Variants in ATP5MC3 observed in about 807,000 individuals in gnomAD.
The protein encoded by ATP5MC3 is ATP synthase F(0) complex subunit C3, mitochondrial.
A neutral mutation model predicts 15.6 loss-of-function variants in ATP5MC3; 6 were observed. The observed-to-expected ratio is 0.38, with a 90% CI of 0.21 to 0.76. The LOEUF (loss-of-function observed/expected upper bound fraction) is 0.76. Ranked by LOEUF, ATP5MC3 falls within the 30% of genes least tolerant of loss-of-function variation. ATP5MC3 has a pLI of 0.44. For missense variants in ATP5MC3, 132 were observed against 171.2 expected, an observed-to-expected ratio of 0.77 and a Z score of 1.28; for synonymous variants, 66 against 63.3, an observed-to-expected ratio of 1.04 and a Z score of -0.20.
chr2:175,181,473 AG>A lies in ATP5MC3; in HGVS notation c.-73-8del. ...CTCCTCTCCCGCTTCCTCTCTGCGG[AG>A]GAAAAGAGGCTTAAGGTCAAGTGCC... On this transcript the variant is annotated splice_region_variant and splice_polypyrimidine_tract_variant and intron_variant, in intron 1 of 4. Coordinates refer to ENST00000284727, the MANE Select transcript of ATP5MC3 (RefSeq NM_001689.5). 1 of 1,568,564 alleles carries A rather than the reference AG, an allele frequency of 6.4e-7. No individual in the cohort carries two copies. The highest frequency in any genetic ancestry group is 1.2e-5 in the South Asian group (1 of 86,842).
rs1700713741 is a variant in ATP5MC3 at position 175,178,059 on chromosome 2, C to T, written c.*229G>A. The stretch of plus-strand genomic sequence containing the variant: ...ATCAGTGGAGCAACTGCTGTAGCTT[C>T]CTCTGAATGGGACAGCATCTGCCTG... On this transcript the variant is annotated 3_prime_UTR_variant, in exon 5 of 5. Transcript: ENST00000284727. 1.5e-6 allele frequency: 1 copy of T among 645,862 alleles called. No individual in the cohort carries two copies. 40.0% of individuals were successfully genotyped at this position (645,862 alleles called of 1,614,324 possible). A position where few individuals can be genotyped will look rare whatever the true frequency, so the allele number is the denominator to read the frequency against.
intron 1 of ATP5MC3, 95 bp from the exon 2 acceptor site, chr2:175,181,561 G>T (rs531380843): frequency 2.5e-5 from 20 of 798,266 alleles, no homozygotes; most frequent in Non-Finnish European, 3.9e-5. Context: ...GTCAGCTTGG[G>T]CCCCGTGCCC....
intron 4 of ATP5MC3, 153 bp downstream of exon 4, chr2:175,178,904 A>C: frequency 7.9e-7 from 1 of 1,273,770 alleles, no homozygotes; most frequent in South Asian, 1.7e-5. Context: ...AAATGGTGTT[A>C]TGAGAATTAA....
rs192662247 is a variant in ATP5MC3, at chr2:175,181,292, C to T, written c.39+63G>A. 802 of 1,573,146 alleles carry T rather than the reference C, an allele frequency of 5.1e-4. 6 individuals are homozygous for T. In the African/African-American group the frequency reaches 0.01, roughly 20 times the overall value. ...GCCCGAAGGTTGCCCCATTCAACAA[C>T]GTGGACGCTCTAGGCCAAAACGCCC... On this transcript the variant is annotated intron_variant, in intron 2 of 4. Transcript: ENST00000284727.
intron 2 of ATP5MC3, among the ~76,000 whole-genome samples, chr2:175,180,822 T>C (rs1462837397): frequency 4.6e-5 from 7 of 152,192 alleles, no homozygotes; most frequent in African/African-American, 1.7e-4. Flanking sequence ...GACCTCACTT[T>C]AAGCCTGCAA....
At position 175,180,187 on chromosome 2, in the gene ATP5MC3, G is replaced by GA. The variant is rs746796011; in HGVS notation, c.40-10dup. The stretch of plus-strand genomic sequence containing the variant: ...CTGGATCCAGCTCGGATCTATTAAT[G>GA]AAAAAAAAATAAAGATTTCAATATT... On this transcript the variant is annotated splice_polypyrimidine_tract_variant and intron_variant, in intron 2 of 4. Coordinates refer to ENST00000284727, the MANE Select transcript of ATP5MC3 (RefSeq NM_001689.5). 6.8e-4 allele frequency: 1,033 copies of GA among 1,527,136 alleles called. No individual in the cohort carries two copies. The highest frequency in any genetic ancestry group is 1.2e-3 in the South Asian group (91 of 78,726). 94.6% of individuals were successfully genotyped at this position (1,527,136 alleles called of 1,614,324 possible).
At position 175,178,244 on chromosome 2, in the gene ATP5MC3, C is replaced by T; in HGVS notation, c.*44G>A. 2 of 1,591,794 alleles carry T rather than the reference C, an allele frequency of 1.3e-6. No individual in the cohort carries two copies. Among genetic ancestry groups the T allele is most frequent in the Non-Finnish European group, 8.5e-7 (1 of 1,172,546 alleles). ...AGTCACAGTAAGATACACAGAATTA[C>T]ATCCGTAATTAATATGAATGCCAAC... On this transcript the variant is annotated 3_prime_UTR_variant, in exon 5 of 5. Coordinates refer to ENST00000284727, the MANE Select transcript of ATP5MC3 (RefSeq NM_001689.5).
chr2:175,178,272 G>C lies in ATP5MC3; in HGVS notation c.*16C>G, dbSNP rs1062644. The stretch of plus-strand genomic sequence containing the variant: ...CCGTAATTAATATGAATGCCAACAT[G>C]TCAAGCAGTAATTTGTTACATGGCA... On this transcript the variant is annotated 3_prime_UTR_variant, in exon 5 of 5. Transcript: ENST00000284727. 1.2e-6 allele frequency: 2 copies of C among 1,601,488 alleles called. No individual in the cohort carries two copies. The highest frequency in any genetic ancestry group is 3.5e-5 in the Admixed American group (2 of 56,496).
intron 4 of ATP5MC3, chr2:175,178,776 G>A: frequency 2.6e-6 from 3 of 1,158,832 alleles, no homozygotes; most frequent in Non-Finnish European, 3.3e-6. Flanking sequence ...TAGGAATGCA[G>A]ACTCTGAAGT....
intron 4 of ATP5MC3, 80 bp from the exon 5 acceptor site, chr2:175,178,482 A>G (rs1700721489): frequency 1.3e-6 from 2 of 1,505,836 alleles, no homozygotes; most frequent in East Asian, 4.7e-5. Flanking sequence ...TCAGATTACT[A>G]GTGTGGGGAT....
At position 175,177,468 on chromosome 2, in the gene ATP5MC3, T is replaced by TA. The variant is rs1700705880; in HGVS notation, c.*819dup. 6.6e-6 allele frequency: 1 copy of TA among 152,168 alleles called. No homozygotes were observed. Among genetic ancestry groups the TA allele is most frequent in the Admixed American group, 6.5e-5 (1 of 15,284 alleles). 9.4% of individuals were successfully genotyped at this position (152,168 alleles called of 1,614,324 possible). ...GGAAAAGTTTGACCAAGAAGCAACATAAAGTATTAGCAGCAAAATACTGTT... is the reference window on the plus strand; with the variant it reads ...GGAAAAGTTTGACCAAGAAGCAACATAAAAGTATTAGCAGCAAAATACTGTT... On this transcript the variant is annotated 3_prime_UTR_variant, in exon 5 of 5. Transcript: ENST00000284727.
At chr2:175,178,781 T>C in intron 4 of ATP5MC3, 1 of 1,160,952 alleles carries the variant, frequency 8.6e-7, no homozygotes, top group Non-Finnish European at 1.1e-6. Flanking sequence ...ATGCAGACTC[T>C]GAAGTCAGAC....
At position 175,178,137 on chromosome 2, in the gene ATP5MC3, GAAGAA is replaced by G. The variant is rs1700715383; in HGVS notation, c.*146_*150del. 2.3e-5 allele frequency: 32 copies of G among 1,366,942 alleles called. 1 individual carries two copies. In the South Asian group the frequency reaches 4.6e-4, roughly 19 times the overall value. The allele number at this position is 1,366,942 out of a possible 1,614,324, so 84.7% of individuals were successfully genotyped here. ...AAACTTAGTGTAAGTACAAATCACAGAAGAAATTAAAGTTTTCATCTTTAATGAAA... is the reference window on the plus strand; with the variant it reads ...AAACTTAGTGTAAGTACAAATCACAGATTAAAGTTTTCATCTTTAATGAAA... On this transcript the variant is annotated 3_prime_UTR_variant, in exon 5 of 5. Transcript: ENST00000284727.
rs146499950 is a variant in ATP5MC3, at chr2:175,178,249, G to T, written c.*39C>A. The stretch of plus-strand genomic sequence containing the variant: ...CAGTAAGATACACAGAATTACATCC[G>T]TAATTAATATGAATGCCAACATGTC... On this transcript the variant is annotated 3_prime_UTR_variant, in exon 5 of 5. Transcript: ENST00000284727. The T allele has an allele frequency of 6.3e-7, 1 of 1,594,234 alleles. No individual in the cohort carries two copies. The highest frequency in any genetic ancestry group is 1.8e-5 in the Admixed American group (1 of 55,134).
chr2:175,179,255 A>G lies in ATP5MC3; in HGVS notation c.121-5T>C. The G allele has an allele frequency of 6.2e-7, 1 of 1,600,642 alleles. No homozygotes were observed. Reference sequence around the variant, plus strand: ...CCCATTAAATACCGTAGAGCCCTGGAAAACAGAAAATAAAGGTAAAGGTCG... The same window carrying G: ...CCCATTAAATACCGTAGAGCCCTGGGAAACAGAAAATAAAGGTAAAGGTCG... On this transcript the variant is annotated splice_region_variant and splice_polypyrimidine_tract_variant and intron_variant, in intron 3 of 4. Coordinates refer to ENST00000284727, the MANE Select transcript of ATP5MC3 (RefSeq NM_001689.5).
rs1574544809 is a variant in ATP5MC3 at position 175,179,146 on chromosome 2, A to G, written c.225T>C (p.Phe75=). The part of the protein sequence containing the change: ...ISRDIDTAAK[F]IGAGAATVGV... ...CTACTGTTGCAGCACCTGCACCAAT[A>G]AATTTGGCAGCAGTATCAATGTCTC... The change falls in exon 4 of 5, where the codon TTT becomes TTC. Residue 75 remains phenylalanine, a synonymous_variant. Transcript: ENST00000284727. The G allele has an allele frequency of 6.2e-7, 1 of 1,614,190 alleles. No homozygotes were observed. The highest frequency in any genetic ancestry group is 8.5e-7 in the Non-Finnish European group (1 of 1,180,032).
In ATP5MC3 at chr2:175,181,681, G is replaced by A. The variant is rs1160894851; in HGVS notation, c.-99C>T. 10 of 478,076 alleles carry A rather than the reference G, an allele frequency of 2.1e-5. No homozygotes were observed. The highest frequency in any genetic ancestry group is 3.3e-5 in the South Asian group (1 of 30,534). The allele number at this position is 478,076 out of a possible 1,614,324, so 29.6% of individuals were successfully genotyped here. ...CTTCCCAGGAGGCGGCGGCGGCACG[G>A]GCTGCGGCAGAGGTCGAAGGAGTGG... On this transcript the variant is annotated 5_prime_UTR_variant, in exon 1 of 5. Coordinates refer to ENST00000284727, the MANE Select transcript of ATP5MC3 (RefSeq NM_001689.5).
chr2:175,178,442 A>G (rs2105413929), intron 4 of ATP5MC3, 40 bp from the exon 5 acceptor site: 1 of 1,563,654 alleles, frequency 6.4e-7, no homozygotes, highest in Non-Finnish European at 8.6e-7. Flanking sequence ...TGAAATATTA[A>G]TTTCAACATG....
rs941887040 is a variant in ATP5MC3 at position 175,179,795 on chromosome 2, G to A, written c.120+303C>T. ...GCTAGGAACACAGGTGTGAGCCACC[G>A]CATCCAGTCCAATAGAGTACATTTT... On this transcript the variant is annotated intron_variant, in intron 3 of 4. Transcript: ENST00000284727. The A allele has an allele frequency of 2.4e-4, 70 of 293,582 alleles. 1 individual carries two copies. The highest frequency in any genetic ancestry group is 5.2e-4 in the African/African-American group (23 of 44,028). 18.2% of individuals were successfully genotyped at this position (293,582 alleles called of 1,614,324 possible). A position where few individuals can be genotyped will look rare whatever the true frequency, so the allele number is the denominator to read the frequency against.
Sources: allele counts gnomAD v4.1 joint callset (sites outside exome capture counted in the v4.1 genomes callset), GRCh38; gene constraint gnomAD v4.1.1; transcripts MANE v1.5; gene names NCBI Gene and HGNC (gene_info 2026-07-23, HGNC 2026-07-21).